The following POLR3H variants were observed in gnomAD, a reference collection of about 807,000 sequenced individuals.
The protein encoded by POLR3H is RNA polymerase III subunit H, also known as DNA-directed RNA polymerase III subunit RPC8.
Under a neutral mutation model 25.5 loss-of-function variants are expected in POLR3H, and 17 were observed. That is an observed-to-expected ratio of 0.67 (90% CI 0.46 to 1.00). The LOEUF is 1.00. Among genes scored for constraint, POLR3H ranks in the 50% least tolerant of loss-of-function variants. POLR3H has a pLI of 0.00. For missense variants in POLR3H, 274 were observed against 265.0 expected, an observed-to-expected ratio of 1.03 and a Z score of -0.24; for synonymous variants, 129 against 103.0, an observed-to-expected ratio of 1.25 and a Z score of -1.53.
At chr22:41,541,572 C>T (rs961019745) in intron 1 of POLR3H, among the ~76,000 whole-genome samples, 1 of 152,236 alleles carries the variant, frequency 6.6e-6, no homozygotes, top group African/African-American at 2.4e-5. Context: ...GGCCAGACCT[C>T]ACCAAGATAA....
chr22:41,532,164 G>A lies in POLR3H; in HGVS notation c.296-7C>T. 4 of 1,613,958 alleles carry A rather than the reference G, an allele frequency of 2.5e-6. No homozygotes were observed. The highest frequency in any genetic ancestry group is 3.4e-6 in the Non-Finnish European group (4 of 1,179,892). On this transcript the variant is annotated splice_polypyrimidine_tract_variant and splice_region_variant and intron_variant, in intron 3 of 5. Coordinates refer to ENST00000355209, the MANE Select transcript of POLR3H (RefSeq NM_001018050.4). ...TCGAAGAAGCCTAGAGAGACTGGAA[G>A]GAAGGAAGCAGGTGACGGCCTGAGA... is the stretch of plus-strand genomic sequence containing the variant.
rs569209263 is a variant in POLR3H, at chr22:41,526,108, A to G, written c.*3175T>C. ...CATGTGGCCTTAGGGTGGAAGCACC[A>G]GGACCACAGAACACGTGTCTGAAGA... On this transcript the variant is annotated 3_prime_UTR_variant, in exon 6 of 6. Transcript: ENST00000355209. The G allele has an allele frequency of 1.1e-4, 72 of 639,348 alleles. No homozygotes were observed. The highest frequency in any genetic ancestry group is 1.9e-4 in the Non-Finnish European group (69 of 372,468). 39.6% of individuals were successfully genotyped at this position (639,348 alleles called of 1,614,324 possible).
rs1404058282 is a variant in POLR3H, at chr22:41,526,149, C to T, written c.*3134G>A. 5.5e-6 allele frequency: 5 copies of T among 905,300 alleles called. No homozygotes were observed. The highest frequency in any genetic ancestry group is 1.7e-5 in the African/African-American group (1 of 59,740). 56.1% of individuals were successfully genotyped at this position (905,300 alleles called of 1,614,324 possible). A position where few individuals can be genotyped will look rare whatever the true frequency, so the allele number is the denominator to read the frequency against. Reference sequence around the variant, plus strand: ...TGTCTGAAGACTTGCCTGCCTCTCACCCCTCTGTCACCCCTCCTGGGCCCC... The same window carrying T: ...TGTCTGAAGACTTGCCTGCCTCTCATCCCTCTGTCACCCCTCCTGGGCCCC... On this transcript the variant is annotated 3_prime_UTR_variant, in exon 6 of 6. Transcript: ENST00000355209.
chr22:41,533,205 C>G lies in POLR3H; in HGVS notation c.209-460G>C, dbSNP rs561820294. 2.0e-5 allele frequency among the ~76,000 whole-genome samples: 3 copies of G among 152,328 alleles called. 1 individual carries two copies. The South Asian group carries it at 6.2e-4, about 32-fold the overall frequency. On this transcript the variant is annotated intron_variant, in intron 2 of 5. Transcript: ENST00000355209. ...GCAGGCCAGCAGCCCAGCAAAAATG[C>G]CTCTGTGGGTTCTCAGGCCATGCTG...
chr22:41,543,887 T>C (rs2066972983), intron 1 of POLR3H, 104 bp downstream of exon 1: 2 of 788,776 alleles, frequency 2.5e-6, no homozygotes, highest in Middle Eastern at 2.2e-4. Context: ...ATTAAGCTGC[T>C]TGCCCACGGC....
rs1289046520 is a variant in POLR3H, at chr22:41,544,344, G to A, written c.-243C>T. 3 of 400,652 alleles carry A rather than the reference G, an allele frequency of 7.5e-6. No homozygotes were observed. Among genetic ancestry groups the A allele is most frequent in the Non-Finnish European group, 1.3e-5 (3 of 225,462 alleles). The allele number at this position is 400,652 out of a possible 1,614,324, so 24.8% of individuals were successfully genotyped here. On this transcript the variant is annotated 5_prime_UTR_variant, in exon 1 of 6. Coordinates refer to ENST00000355209, the MANE Select transcript of POLR3H (RefSeq NM_001018050.4). ...AGCTCCGGGTGCGCGCCCGCGCCGCGAGACCCCGCCACGCCACGCCACTCC... is the reference window on the plus strand; with the variant it reads ...AGCTCCGGGTGCGCGCCCGCGCCGCAAGACCCCGCCACGCCACGCCACTCC...
rs1486737761 is a variant in POLR3H, at chr22:41,528,988, G to A, written c.*295C>T. 1 of 535,542 alleles carries A rather than the reference G, an allele frequency of 1.9e-6. No individual in the cohort carries two copies. The highest frequency in any genetic ancestry group is 3.1e-5 in the East Asian group (1 of 31,832). The allele number at this position is 535,542 out of a possible 1,614,324, so 33.2% of individuals were successfully genotyped here. A position where few individuals can be genotyped will look rare whatever the true frequency, so the allele number is the denominator to read the frequency against. On this transcript the variant is annotated 3_prime_UTR_variant, in exon 6 of 6. Transcript: ENST00000355209. The stretch of plus-strand genomic sequence containing the variant: ...AATCCAAAACCAGTGACTGTTCTGT[G>A]AGTGATTGGTGTCTGTGCCGTTTGT...
chr22:41,535,892 C>A (rs900863543), intron 2 of POLR3H, among the ~76,000 whole-genome samples: 11 of 151,946 alleles, frequency 7.2e-5, no homozygotes, highest in South Asian at 2.1e-4. Flanking sequence ...ATTGCTTGAA[C>A]CCGGGAGGCA....
chr22:41,533,386 G>C (rs1279086124), intron 2 of POLR3H: 2 of 600,216 alleles, frequency 3.3e-6, no homozygotes, highest in Non-Finnish European at 4.7e-6. Context: ...ACGCTGACCT[G>C]AGAATCAGCA....
chr22:41,543,868 T>C (rs1332782454), intron 1 of POLR3H, 123 bp downstream of exon 1: 2 of 736,174 alleles, frequency 2.7e-6, no homozygotes, highest in African/African-American at 1.7e-5. Flanking sequence ...TGAAGAAAAG[T>C]TCTGAGACAT....
In POLR3H at chr22:41,527,178, G is replaced by A; in HGVS notation, c.*2105C>T. ...AGGGCCCCTCCAGCCCCTTTACCGG[G>A]AGCCTCAGGATGCCCAGGCGCCAGG... On this transcript the variant is annotated 3_prime_UTR_variant, in exon 6 of 6. Coordinates refer to ENST00000355209, the MANE Select transcript of POLR3H (RefSeq NM_001018050.4). 1 of 1,535,126 alleles carries A rather than the reference G, an allele frequency of 6.5e-7. No homozygotes were observed. Among genetic ancestry groups the A allele is most frequent in the South Asian group, 1.2e-5 (1 of 86,740 alleles).
intron 2 of POLR3H, chr22:41,540,372 C>A: frequency 2.6e-6 from 1 of 386,936 alleles, no homozygotes; most frequent in Admixed American, 3.7e-5. Context: ...GAACAGAGGC[C>A]CAGAGAAGAG....
At chr22:41,537,038 C>T (rs1357869871) in intron 2 of POLR3H, among the ~76,000 whole-genome samples, 1 of 151,982 alleles carries the variant, frequency 6.6e-6, no homozygotes, top group Non-Finnish European at 1.5e-5. Context: ...GAGAGCAGGG[C>T]CCCCGATCAG....
chr22:41,527,716 A>G lies in POLR3H; in HGVS notation c.*1567T>C. On this transcript the variant is annotated 3_prime_UTR_variant, in exon 6 of 6. Coordinates refer to ENST00000355209, the MANE Select transcript of POLR3H (RefSeq NM_001018050.4). ...GCAGGAAGGCCTCGCAGACCTCAGC[A>G]CCAGCGCACACTTGCTAGGGGCACC... 2.1e-6 allele frequency: 2 copies of G among 961,780 alleles called. No homozygotes were observed. The highest frequency in any genetic ancestry group is 1.5e-6 in the Non-Finnish European group (1 of 657,882). 59.6% of individuals were successfully genotyped at this position (961,780 alleles called of 1,614,324 possible).
In POLR3H at chr22:41,544,218, C is replaced by A; in HGVS notation, c.-117G>T. ...CCAGTCGCTGAGGCCCCCAGGCTGGCGGTGAGGTTGCACGGGGCGGTCTCG... is the reference window on the plus strand; with the variant it reads ...CCAGTCGCTGAGGCCCCCAGGCTGGAGGTGAGGTTGCACGGGGCGGTCTCG... On this transcript the variant is annotated 5_prime_UTR_variant, in exon 1 of 6. Transcript: ENST00000355209. 1 of 635,924 alleles carries A rather than the reference C, an allele frequency of 1.6e-6. No homozygotes were observed. The highest frequency in any genetic ancestry group is 2.8e-6 in the Non-Finnish European group (1 of 361,048). 39.4% of individuals were successfully genotyped at this position (635,924 alleles called of 1,614,324 possible). A position where few individuals can be genotyped will look rare whatever the true frequency, so the allele number is the denominator to read the frequency against.
chr22:41,537,061 G>A (rs1322744030), intron 2 of POLR3H, among the ~76,000 whole-genome samples: 2 of 152,052 alleles, frequency 1.3e-5, no homozygotes, highest in East Asian at 1.9e-4. Context: ...TGGGGCAGGC[G>A]GGGGCAGGGT....
intron 4 of POLR3H, 63 bp from the exon 5 acceptor site, chr22:41,530,951 TC>T (rs1169511979): frequency 1.3e-6 from 2 of 1,519,856 alleles, no homozygotes; most frequent in African/African-American, 1.4e-5. Flanking sequence ...CAGCACCCAC[TC>T]CCCGACCCCG....
intron 1 of POLR3H, among the ~76,000 whole-genome samples, chr22:41,542,498 C>T (rs2066945004): frequency 6.6e-6 from 1 of 152,170 alleles, no homozygotes; most frequent in Admixed American, 6.5e-5. Flanking sequence ...TCCACTTCAC[C>T]ATCAGATCTC....
Position 41,532,644 on chromosome 22 carries a change from C to A in POLR3H, c.295+15G>T. On this transcript the variant is annotated intron_variant, in intron 3 of 5. Coordinates refer to ENST00000355209, the MANE Select transcript of POLR3H (RefSeq NM_001018050.4). ...TGTTCCCAAGTCTTGTCTGAGGCGT[C>A]AGGGCCACTGTTACCGTGCACTCCT... is the stretch of plus-strand genomic sequence containing the variant. 6.2e-7 allele frequency: 1 copy of A among 1,614,020 alleles called. No individual in the cohort carries two copies. Among genetic ancestry groups the A allele is most frequent in the Non-Finnish European group, 8.5e-7 (1 of 1,179,952 alleles).
Sources: allele counts gnomAD v4.1 joint callset (sites outside exome capture counted in the v4.1 genomes callset), GRCh38; gene constraint gnomAD v4.1.1; transcripts MANE v1.5; gene names NCBI Gene and HGNC (gene_info 2026-07-23, HGNC 2026-07-21).